ADAP1: variants seen among roughly 807,000 people sequenced by gnomAD.
The protein encoded by ADAP1 is ArfGAP with dual PH domains 1, also known as arf-GAP with dual PH domain-containing protein 1.
Under a neutral mutation model 54.9 loss-of-function variants are expected in ADAP1, and 31 were observed. The observed-to-expected ratio is 0.56, with a 90% CI of 0.42 to 0.76. The LOEUF is 0.76. ADAP1 is among the 30% of genes least tolerant of loss of function. The pLI, the probability that ADAP1 is intolerant of heterozygous loss-of-function variation, is 0.00. For synonymous variants in ADAP1, 313 were observed against 202.6 expected (o/e 1.55, Z -4.63); for missense variants, 535 against 512.4 (o/e 1.04, Z -0.42).
At chr7:952,957 A>G (rs1847305813) in intron 1 of ADAP1, among the ~76,000 whole-genome samples, 1 of 152,122 alleles carries the variant, frequency 6.6e-6, no homozygotes, top group African/African-American at 2.4e-5. Flanking sequence ...TCCTCCTGCC[A>G]GGCTGGGAGG....
At chr7:915,334 C>A (rs1183475789) in intron 4 of ADAP1, among the ~76,000 whole-genome samples, 1 of 152,228 alleles carries the variant, frequency 6.6e-6, no homozygotes, top group Non-Finnish European at 1.5e-5. Flanking sequence ...CCCCACCATC[C>A]TCACACCCAT....
At chr7:906,910 C>A (rs1845486630) in intron 4 of ADAP1, among the ~76,000 whole-genome samples, 1 of 143,654 alleles carries the variant, frequency 7.0e-6, no homozygotes, top group Non-Finnish European at 1.6e-5. Flanking sequence ...CTGAGGACGG[C>A]CTGGATGAGC....
chr7:916,183 C>T (rs1845926994), intron 4 of ADAP1, among the ~76,000 whole-genome samples: 1 of 152,180 alleles, frequency 6.6e-6, no homozygotes, highest in Admixed American at 6.6e-5. Flanking sequence ...TTCCTGGCAG[C>T]CCGGGAGAGC....
At chr7:942,546 AAGAG>A (rs369587666) in intron 1 of ADAP1, among the ~76,000 whole-genome samples, 66 of 52,268 alleles carry the variant, frequency 1.3e-3, no homozygotes, top group Middle Eastern at 9.8e-3. Context: ...GAGGAGGAGG[AAGAG>A]AGAGTAGGAG....
Position 945,674 on chromosome 7 carries a change from A to G in ADAP1, c.82+8722T>C. ...CCCCACAAACATCCAGGCTGCCAGCACCGTCTCCAGGAGCTGCCTCCTCCT... is the reference window on the plus strand; with the variant it reads ...CCCCACAAACATCCAGGCTGCCAGCGCCGTCTCCAGGAGCTGCCTCCTCCT... On this transcript the variant is annotated intron_variant, in intron 1 of 10. Transcript: ENST00000265846. This position sits in a 1 kb window ranked among gnomAD's most constrained non-coding sequence, Gnocchi z 4.2. 1 of 930,522 alleles carries G rather than the reference A, an allele frequency of 1.1e-6. No individual in the cohort carries two copies. Among genetic ancestry groups the G allele is most frequent in the Non-Finnish European group, 1.3e-6 (1 of 779,740 alleles). 57.6% of individuals were successfully genotyped at this position (930,522 alleles called of 1,614,324 possible). A position where few individuals can be genotyped will look rare whatever the true frequency, so the allele number is the denominator to read the frequency against.
At chr7:902,062 C>G (rs1163343540) in intron 6 of ADAP1, among the ~76,000 whole-genome samples, 1 of 152,086 alleles carries the variant, frequency 6.6e-6, no homozygotes, top group Non-Finnish European at 1.5e-5. Flanking sequence ...GCTCCCACAG[C>G]TGGGGGCCAA....
intron 2 of ADAP1, among the ~76,000 whole-genome samples, chr7:930,734 G>A (rs1208258793): frequency 3.3e-5 from 5 of 151,690 alleles, no homozygotes; most frequent in Non-Finnish European, 5.9e-5. Context: ...CAGGAGAATC[G>A]CTTGAATGTG....
chr7:904,135 C>A lies in ADAP1; in HGVS notation c.639G>T (p.Glu213Asp), dbSNP rs1844967036. 1.9e-6 allele frequency: 3 copies of A among 1,612,380 alleles called. No individual in the cohort carries two copies. Among genetic ancestry groups the A allele is most frequent in the Non-Finnish European group, 2.5e-6 (3 of 1,179,838 alleles). The stretch of plus-strand genomic sequence containing the variant: ...GCTCGCCAGCACCCACCTTCCCGTC[C>A]TCATGGTAGATGAAGATGTTACGGG... ...NSTRNIFIYH[E>D]DGKEIVDWFN... Residue 213 changes from glutamate to aspartate, a missense_variant, in exon 6 of 11, where the codon GAG becomes GAT. Transcript: ENST00000265846.
chr7:905,796 AGGAGAAAGGAGAAAGGAGAAGGGAGAAG>A (rs1845228043), intron 4 of ADAP1, among the ~76,000 whole-genome samples: 1 of 40,860 alleles, frequency 2.4e-5, no homozygotes, highest in Non-Finnish European at 4.5e-5. Flanking sequence ...GAAAGGAGAA[AGGAGAAAGGAGAAAGGAGAAGGGAGAAG>A]GGAGAAGGGA....
chr7:953,286 G>A (rs112376018), intron 1 of ADAP1, among the ~76,000 whole-genome samples: 7,424 of 152,246 alleles, frequency 0.049, 330 homozygotes, highest in African/African-American at 0.11. Flanking sequence ...AAAGCCTGTC[G>A]CTATCTCCCC....
In ADAP1 at chr7:954,452, A is replaced by G; in HGVS notation, c.26T>C (p.Val9Ala). The change falls in exon 1 of 11, where the codon GTC (valine) becomes GCC (alanine). Residue 9 changes from valine (V) to alanine (A), a missense_variant. Transcript: ENST00000265846. MAKERRRA[V>A]LELLQRPGNA... ...CCCCGGCCGCTGCAGCAGCTCCAGG[A>G]CCGCCCTGCGCCGCTCCTTGGCCAT... 9.0e-7 allele frequency: 1 copy of G among 1,108,984 alleles called. No individual in the cohort carries two copies. The highest frequency in any genetic ancestry group is 1.1e-6 in the Non-Finnish European group (1 of 903,796). 68.7% of individuals were successfully genotyped at this position (1,108,984 alleles called of 1,614,324 possible).
chr7:901,638 C>CA (rs1844820313), intron 6 of ADAP1, among the ~76,000 whole-genome samples: 1 of 151,414 alleles, frequency 6.6e-6, no homozygotes, highest in Non-Finnish European at 1.5e-5. Flanking sequence ...AGCAAAGCCC[C>CA]ACCCACCCCG....
chr7:950,485 C>CAAA (rs59360722), intron 1 of ADAP1, among the ~76,000 whole-genome samples: 10 of 93,096 alleles, frequency 1.1e-4, no homozygotes, highest in African/African-American at 2.9e-4. Flanking sequence ...GACTCTGCCT[C>CAAA]AAAAAAAAAA....
Position 954,649 on chromosome 7 carries a change from G to C in ADAP1, c.-172C>G. 1.0e-6 allele frequency: 1 copy of C among 982,628 alleles called. No individual in the cohort carries two copies. Among genetic ancestry groups the C allele is most frequent in the Non-Finnish European group, 1.2e-6 (1 of 829,330 alleles). The allele number at this position is 982,628 out of a possible 1,614,324, so 60.9% of individuals were successfully genotyped here. ...CCGCCCTCTGGGCTCCGCCGCCGCC[G>C]CTCGTGTCTCCGCCGCGGTCGCTGA... On this transcript the variant is annotated 5_prime_UTR_variant, in exon 1 of 11. Transcript: ENST00000265846.
chr7:949,588 C>A (rs953838244), intron 1 of ADAP1, among the ~76,000 whole-genome samples: 1 of 152,234 alleles, frequency 6.6e-6, no homozygotes, highest in Non-Finnish European at 1.5e-5. Context: ...GCTGCGGTCA[C>A]GGCCGGTGCA....
At chr7:918,422 C>T (rs1846021338) in intron 4 of ADAP1, among the ~76,000 whole-genome samples, 1 of 152,158 alleles carries the variant, frequency 6.6e-6, no homozygotes, top group African/African-American at 2.4e-5. Flanking sequence ...TTAGATGTTG[C>T]CCAGGCTTGT....
At chr7:916,530 G>T (rs952473223) in intron 4 of ADAP1, among the ~76,000 whole-genome samples, 10 of 152,196 alleles carry the variant, frequency 6.6e-5, no homozygotes, top group Non-Finnish European at 1.0e-4. Flanking sequence ...TTTCTGCCGA[G>T]GGAAACGGAG....
chr7:921,642 G>T (rs1294657537), intron 3 of ADAP1, among the ~76,000 whole-genome samples: 1 of 152,208 alleles, frequency 6.6e-6, no homozygotes, highest in African/African-American at 2.4e-5. Flanking sequence ...CACCTTCACA[G>T]GGGCGGCGGG....
rs1583175368 is a variant in ADAP1 at position 932,537 on chromosome 7, A to G, written c.213+2838T>C. Among the ~76,000 whole-genome samples, 5 of 152,104 alleles carry G rather than the reference A, an allele frequency of 3.3e-5. No individual in the cohort carries two copies. The South Asian group carries it at 1.0e-3, about 32-fold the overall frequency. On this transcript the variant is annotated intron_variant, in intron 2 of 10. Transcript: ENST00000265846. ...TGGCAGAGCAACTTGGAGACGGGAC[A>G]CCCGTCCCATCATCTTTCTGACATT...
Sources: gnomAD v4.1 joint callset for allele counts (sites outside exome capture counted in the v4.1 genomes callset) on GRCh38, gnomAD v4.1.1 for gene constraint, Gnocchi (gnomAD v3.1) non-coding constraint, MANE v1.5 for transcripts, NCBI Gene and HGNC (gene_info 2026-07-23, HGNC 2026-07-21) for gene names.